The following PICALM variants were observed in gnomAD, a reference collection of about 807,000 sequenced individuals.
The protein encoded by PICALM is phosphatidylinositol-binding clathrin assembly protein.
A neutral mutation model predicts 80.5 loss-of-function variants in PICALM; 40 were observed. The observed-to-expected ratio is 0.50, with a 90% CI of 0.39 to 0.65. The LOEUF is 0.65. Among genes scored for constraint, PICALM ranks in the 30% least tolerant of loss-of-function variants. The pLI is 0.00. For synonymous variants in PICALM, 288 were observed against 260.3 expected, an observed-to-expected ratio of 1.11 and a Z score of -1.02; for missense variants, 676 against 778.9, an observed-to-expected ratio of 0.87 and a Z score of 1.57.
chr11:86,037,466 G>A (rs1459746609), intron 1 of PICALM, among the ~76,000 whole-genome samples: 1 of 151,130 alleles, frequency 6.6e-6, no homozygotes, highest in African/African-American at 2.4e-5. Flanking sequence ...CACCATCTTG[G>A]CCAGGCTGGT....
intron 1 of PICALM, among the ~76,000 whole-genome samples, chr11:86,065,060 G>C (rs969473458): frequency 6.6e-6 from 1 of 152,254 alleles, no homozygotes; most frequent in South Asian, 2.1e-4. Flanking sequence ...ACCAGAGACA[G>C]AGCAAGACCC....
chr11:85,965,917 A>G (rs2093878031), intron 19 of PICALM, among the ~76,000 whole-genome samples: 2 of 143,472 alleles, frequency 1.4e-5, no homozygotes, highest in Non-Finnish European at 3.0e-5. Context: ...CCCAGGTTTC[A>G]GCAATTCTCC....
intron 1 of PICALM, among the ~76,000 whole-genome samples, chr11:86,059,881 AAG>A (rs1555154792): frequency 6.6e-6 from 1 of 152,056 alleles, no homozygotes; most frequent in African/African-American, 2.4e-5. Context: ...AAAAAAAAAA[AAG>A]AGAGAGGACA....
chr11:86,017,403 T>C (rs766701132), intron 4 of PICALM, among the ~76,000 whole-genome samples: 21 of 152,206 alleles, frequency 1.4e-4, no homozygotes, highest in Non-Finnish European at 2.6e-4. Flanking sequence ...ATAATGATTT[T>C]GATCACCTAA....
At chr11:85,976,427 C>T (rs1269027605) in intron 18 of PICALM, among the ~76,000 whole-genome samples, 196 bp downstream of exon 18, 1 of 152,152 alleles carries the variant, frequency 6.6e-6, no homozygotes, top group Non-Finnish European at 1.5e-5. Context: ...ATACTATGAA[C>T]ATTAATGCAT....
chr11:85,987,555 G>A (rs670606), intron 13 of PICALM, among the ~76,000 whole-genome samples: 124,238 of 152,268 alleles, frequency 0.82, 50,877 homozygotes, highest in African/African-American at 0.89. Context: ...TCAATGTTTA[G>A]GATTTTAGTT....
chr11:86,024,091 T>C (rs2095609714), intron 3 of PICALM, among the ~76,000 whole-genome samples: 1 of 152,030 alleles, frequency 6.6e-6, no homozygotes, highest in East Asian at 1.9e-4. Context: ...ATCATACCAC[T>C]GCACCCAGCC....
At chr11:86,057,880 AT>A (rs2096293967) in intron 1 of PICALM, among the ~76,000 whole-genome samples, 1 of 152,064 alleles carries the variant, frequency 6.6e-6, no homozygotes, top group African/African-American at 2.4e-5. Context: ...GCACCCTTGG[AT>A]TTTCTTATCT....
At chr11:86,051,968 T>C (rs2096196603) in intron 1 of PICALM, among the ~76,000 whole-genome samples, 1 of 152,264 alleles carries the variant, frequency 6.6e-6, no homozygotes, top group African/African-American at 2.4e-5. Flanking sequence ...TAACAATGCA[T>C]GTCAATTGCC....
In PICALM at chr11:86,022,493, C is replaced by T. The variant is rs1232356224; in HGVS notation, c.350-24G>A. 3 of 1,265,262 alleles carry T rather than the reference C, an allele frequency of 2.4e-6. No individual in the cohort carries two copies. The East Asian group carries it at 7.7e-5, about 33-fold the overall frequency. 78.4% of individuals were successfully genotyped at this position (1,265,262 alleles called of 1,614,324 possible). ...TCCTGTAAAAAAACAAAAACAAAAACAAAACAAAGAGAGAGACAAGTTTTT... is the reference window on the plus strand; with the variant it reads ...TCCTGTAAAAAAACAAAAACAAAAATAAAACAAAGAGAGAGACAAGTTTTT... On this transcript the variant is annotated intron_variant, in intron 3 of 19. Coordinates refer to ENST00000393346, the MANE Select transcript of PICALM (RefSeq NM_007166.4).
intron 8 of PICALM, among the ~76,000 whole-genome samples, chr11:86,006,552 T>G (rs190218542): frequency 6.6e-6 from 1 of 152,086 alleles, no homozygotes; most frequent in Non-Finnish European, 1.5e-5. Context: ...GAGGCTGAGG[T>G]GGGAGAATCG....
intron 3 of PICALM, among the ~76,000 whole-genome samples, chr11:86,025,535 A>G (rs2095636390): frequency 2.3e-3 from 1 of 428 alleles, no homozygotes; most frequent in Non-Finnish European, 4.5e-3. Flanking sequence ...ATAACAATGA[A>G]AGCAAATATT....
At chr11:86,008,465 CAA>C (rs1199989794) in intron 7 of PICALM, among the ~76,000 whole-genome samples, 1 of 151,966 alleles carries the variant, frequency 6.6e-6, no homozygotes, top group Non-Finnish European at 1.5e-5. Context: ...ACTAAAAATA[CAA>C]AAATTAGCCG....
At chr11:86,065,770 C>G (rs1453077997) in intron 1 of PICALM, among the ~76,000 whole-genome samples, 2 of 152,144 alleles carry the variant, frequency 1.3e-5, no homozygotes, top group Non-Finnish European at 1.5e-5. Context: ...CTAACACCTA[C>G]AGTATAAGCA....
chr11:86,045,051 G>A (rs11234527), intron 1 of PICALM, among the ~76,000 whole-genome samples: 3,885 of 152,172 alleles, frequency 0.026, 174 homozygotes, highest in African/African-American at 0.089. Flanking sequence ...CAGTAATGGC[G>A]GATGTAGCAC....
chr11:85,958,070 GA>G lies in PICALM; in HGVS notation c.*975del, dbSNP rs1406725069. 4.4e-6 allele frequency: 1 copy of G among 225,308 alleles called. No individual in the cohort carries two copies. Among genetic ancestry groups the G allele is most frequent in the Admixed American group, 5.7e-5 (1 of 17,468 alleles). The allele number at this position is 225,308 out of a possible 1,614,324, so 14.0% of individuals were successfully genotyped here. On this transcript the variant is annotated 3_prime_UTR_variant, in exon 20 of 20. Coordinates refer to ENST00000393346, the MANE Select transcript of PICALM (RefSeq NM_007166.4). Reference sequence around the variant, plus strand: ...CTTCTAGAGTTTTAGTGAAAAGAAGGAAAGTCTTGAAGTGAAAGCAATTCCT... The same window carrying G: ...CTTCTAGAGTTTTAGTGAAAAGAAGGAAGTCTTGAAGTGAAAGCAATTCCT...
chr11:85,981,100 T>C (rs1164855368), intron 17 of PICALM, 29 bp downstream of exon 17: 2 of 1,004,440 alleles, frequency 2.0e-6, no homozygotes, highest in Non-Finnish European at 3.2e-6. Flanking sequence ...TATTCAACTG[T>C]TAGTCTATCA....
chr11:86,024,904 C>T (rs2095625625), intron 3 of PICALM, among the ~76,000 whole-genome samples: 1 of 152,186 alleles, frequency 6.6e-6, no homozygotes, highest in African/African-American at 2.4e-5. Flanking sequence ...CAGCACAAAT[C>T]TCACCTTCTC....
chr11:85,963,028 A>G (rs150364923), intron 19 of PICALM, among the ~76,000 whole-genome samples: 300 of 152,354 alleles, frequency 2.0e-3, no homozygotes, highest in African/African-American at 6.9e-3. Context: ...TGAAGAGGCA[A>G]TGGGTTCTTG....
Sources: gnomAD v4.1 joint callset for allele counts (sites outside exome capture counted in the v4.1 genomes callset) on GRCh38, gnomAD v4.1.1 for gene constraint, MANE v1.5 for transcripts, NCBI Gene and HGNC (gene_info 2026-07-23, HGNC 2026-07-21) for gene names.